Variants in NMUR1 observed in about 807,000 individuals in gnomAD.
NMUR1 encodes neuromedin-U receptor 1.
NMUR1 carries 16 observed loss-of-function variants against 18.8 expected under a neutral mutation model. The ratio of observed to expected loss-of-function variants is 0.85; its 90% CI spans 0.58 to 1.29. The LOEUF (loss-of-function observed/expected upper bound fraction) is 1.29. Among genes scored for constraint, NMUR1 ranks in the 50% most tolerant of loss-of-function variants. The pLI, the probability that NMUR1 is intolerant of heterozygous loss-of-function variation, is 0.00. For synonymous variants in NMUR1, 258 were observed against 258.2 expected, an observed-to-expected ratio of 1.00 and a Z score of 0.01; for missense variants, 529 against 580.3, an observed-to-expected ratio of 0.91 and a Z score of 0.91.
At position 231,523,207 on chromosome 2, in the gene NMUR1, G is replaced by A. The variant is rs2047321505; in HGVS notation, c.*1836C>T. 2.8e-6 allele frequency: 1 copy of A among 357,868 alleles called. No homozygotes were observed. The highest frequency in any genetic ancestry group is 5.1e-6 in the Non-Finnish European group (1 of 197,156). 22.2% of individuals were successfully genotyped at this position (357,868 alleles called of 1,614,324 possible). A position where few individuals can be genotyped will look rare whatever the true frequency, so the allele number is the denominator to read the frequency against. On this transcript the variant is annotated 3_prime_UTR_variant, in exon 3 of 3. Coordinates refer to ENST00000305141, the MANE Select transcript of NMUR1 (RefSeq NM_006056.5). Reference sequence around the variant, plus strand: ...ACTGCTTCAGAGTAAAGTTATGGGTGGTTTTAATTTTTTCTTTCCTTTAGA... The same window carrying A: ...ACTGCTTCAGAGTAAAGTTATGGGTAGTTTTAATTTTTTCTTTCCTTTAGA...
chr2:231,525,060 C>A lies in NMUR1; in HGVS notation c.1264G>T (p.Glu422Ter). 6.3e-7 allele frequency: 1 copy of A among 1,584,044 alleles called. No individual in the cohort carries two copies. Among genetic ancestry groups the A allele is most frequent in the African/African-American group, 1.3e-5 (1 of 74,596 alleles). ...AGNDGPEAQQ[E>*]TDPS is the part of the protein sequence containing the mutation. ...GGCTCCACTCAGGATGGATCGGTCT[C>A]TTGCTGCGCCTCTGGGCCATCGTTC... The change falls in exon 3 of 3, where the codon GAG becomes TAG. Residue 422 changes from glutamate to a stop codon, truncating the protein, a stop_gained. Transcript: ENST00000305141. LOFTEE classifies it high-confidence loss of function.
At chr2:231,521,842 G>A (rs1047625448), downstream of NMUR1, among the ~76,000 whole-genome samples, 2 of 152,056 alleles carry the variant, frequency 1.3e-5, no homozygotes, top group Admixed American at 6.6e-5. Context: ...TGCCATCCCT[G>A]TTTCTCAAGG....
downstream of NMUR1, among the ~76,000 whole-genome samples, chr2:231,521,828 C>A (rs969970005): frequency 6.6e-6 from 1 of 152,106 alleles, no homozygotes; most frequent in Non-Finnish European, 1.5e-5. Context: ...TCTGCCCTTT[C>A]CATTGCCATC....
chr2:231,526,123 G>C (rs1193812402), intron 2 of NMUR1, among the ~76,000 whole-genome samples: 1 of 144,706 alleles, frequency 6.9e-6, no homozygotes. Context: ...AGGTAGGAGA[G>C]TTTGGCAAAC....
chr2:231,529,884 A>G (rs553285813), intron 1 of NMUR1, among the ~76,000 whole-genome samples: 2 of 152,360 alleles, frequency 1.3e-5, no homozygotes, highest in East Asian at 3.9e-4. Context: ...AGTCACTATG[A>G]GAGTCAAGTG....
At chr2:231,528,006 A>C in intron 2 of NMUR1, 117 bp downstream of exon 2, 1 of 1,026,916 alleles carries the variant, frequency 9.7e-7, no homozygotes, top group Non-Finnish European at 1.4e-6. Flanking sequence ...ACACGAGACT[A>C]GAGGAGTTCC....
intron 2 of NMUR1, among the ~76,000 whole-genome samples, chr2:231,527,042 A>G (rs113671663): frequency 9.2e-4 from 140 of 152,088 alleles, no homozygotes; most frequent in African/African-American, 3.0e-3. Context: ...TGCGGTTCCC[A>G]GGGAACCGCA....
At position 231,528,718 on chromosome 2, in the gene NMUR1, G is replaced by A; in HGVS notation, c.303C>T (p.Ser101=). 1 of 1,614,252 alleles carries A rather than the reference G, an allele frequency of 6.2e-7. No individual in the cohort carries two copies. The highest frequency in any genetic ancestry group is 8.5e-7 in the Non-Finnish European group (1 of 1,180,036). ...MRTPTNYYLF[S]LAVSDLLVLL... ...GCACCAGCAGGTCCGACACGGCCAGGCTGAAGAGGTAGTAGTTGGTAGGCG... is the reference window on the plus strand; with the variant it reads ...GCACCAGCAGGTCCGACACGGCCAGACTGAAGAGGTAGTAGTTGGTAGGCG... Residue 101 remains serine (S), a synonymous_variant, in exon 2 of 3, where the codon AGC becomes AGT. Coordinates refer to ENST00000305141, the MANE Select transcript of NMUR1 (RefSeq NM_006056.5).
In NMUR1 at chr2:231,528,850, T is replaced by C. The variant is rs111893957; in HGVS notation, c.171A>G (p.Thr57=). The C allele has an allele frequency of 3.1e-6, 5 of 1,614,200 alleles. No individual in the cohort carries two copies. Among genetic ancestry groups the C allele is most frequent in the Non-Finnish European group, 4.2e-6 (5 of 1,180,028 alleles). The change falls in exon 2 of 3, where the codon ACA becomes ACG. Residue 57 remains threonine, a synonymous_variant. Transcript: ENST00000305141. ...TGGCACAGATGGGCATGAACAGCTC[T>C]GTCTGCTGGGGCCCCAGGTACTTGA... ...LRLKYLGPQQ[T]ELFMPICATY... is the part of the protein sequence containing the mutation.
chr2:231,525,553 G>C, intron 2 of NMUR1, 128 bp from the exon 3 acceptor site: 1 of 1,116,836 alleles, frequency 9.0e-7, no homozygotes, highest in Non-Finnish European at 1.3e-6. Flanking sequence ...CTATCACCCA[G>C]GTGGAAGTTT....
chr2:231,525,173 T>TGGCGGGGTCTGAGGCGATGGC lies in NMUR1; in HGVS notation c.1130_1150dup (p.Arg383_His384insArgHisArgLeuArgProArg). ...CATCCTGCTGAGGCTGTGGGAGCTG[T>TGGCGGGGTCTGAGGCGATGGC]GGCGGGGTCTGAGGCGATGGCAGCA... On this transcript the variant is annotated inframe_insertion, in exon 3 of 3. Coordinates refer to ENST00000305141, the MANE Select transcript of NMUR1 (RefSeq NM_006056.5). 2 of 1,613,964 alleles carry TGGCGGGGTCTGAGGCGATGGC rather than the reference T, an allele frequency of 1.2e-6. No individual in the cohort carries two copies. Among genetic ancestry groups the TGGCGGGGTCTGAGGCGATGGC allele is most frequent in the African/African-American group, 2.7e-5 (2 of 74,992 alleles).
chr2:231,525,820 C>T (rs1366473187), intron 2 of NMUR1, among the ~76,000 whole-genome samples: 2 of 152,234 alleles, frequency 1.3e-5, no homozygotes, highest in East Asian at 3.9e-4. Flanking sequence ...CACTTGGGGG[C>T]CATGCTTGCT....
rs762300187 is a variant in NMUR1 at position 231,528,611 on chromosome 2, C to T, written c.410G>A (p.Arg137His). Residue 137 changes from arginine (R) to histidine (H), a missense_variant, in exon 2 of 3, where the codon CGC becomes CAC. Transcript: ENST00000305141. ...GCAGACCATCTCAAACAGTAGCGTGCGGAAATAGCAGCCACCAACGCCCAG... is the reference window on the plus strand; with the variant it reads ...GCAGACCATCTCAAACAGTAGCGTGTGGAAATAGCAGCCACCAACGCCCAG... Reference protein sequence around the residue: ...FLLGVGGCYFRTLLFEMVCLA... With the variant: ...FLLGVGGCYFHTLLFEMVCLA... 46 of 1,614,076 alleles carry T rather than the reference C, an allele frequency of 2.8e-5. No homozygotes were observed. Among genetic ancestry groups the T allele is most frequent in the Non-Finnish European group, 3.6e-5 (42 of 1,180,050 alleles).
chr2:231,529,680 C>T (rs1180775769), intron 1 of NMUR1, among the ~76,000 whole-genome samples: 1 of 152,168 alleles, frequency 6.6e-6, no homozygotes, highest in Admixed American at 6.5e-5. Context: ...CAAGAGCAAG[C>T]GCTCAGGAAG....
At position 231,528,149 on chromosome 2, in the gene NMUR1, C is replaced by T. The variant is rs1214113010; in HGVS notation, c.872G>A (p.Gly291Asp). The change falls in exon 2 of 3, where the codon GGC (glycine) becomes GAC (aspartate). Residue 291 changes from glycine to aspartate, a missense_variant. By Grantham distance (94) the Gly-to-Asp change is moderately conservative. Transcript: ENST00000305141. The stretch of plus-strand genomic sequence containing the variant: ...CAGCATCTTGGTCACTTGTCTCCGG[C>T]CCCGATCGTGCTGCTGGAGCCTGCA... The part of the protein sequence containing the change: ...YTCRLQQHDR[G>D]RRQVTKMLFV... 4.5e-6 allele frequency: 7 copies of T among 1,559,846 alleles called. No homozygotes were observed. Among genetic ancestry groups the T allele is most frequent in the Non-Finnish European group, 4.3e-6 (5 of 1,151,286 alleles).
chr2:231,521,973 C>CTTTTTTTTT (rs10625236), downstream of NMUR1, among the ~76,000 whole-genome samples: 3 of 83,826 alleles, frequency 3.6e-5, no homozygotes, highest in African/African-American at 9.6e-5. Flanking sequence ...TTTTTTTTCT[C>CTTTTTTTTT]TTTTTTTTTT....
At chr2:231,527,123 T>TC (rs2047363852) in intron 2 of NMUR1, among the ~76,000 whole-genome samples, 1 of 150,854 alleles carries the variant, frequency 6.6e-6, no homozygotes, top group Non-Finnish European at 1.5e-5. Flanking sequence ...GGGACTTTGC[T>TC]CCCCCCAGAT....
Position 231,528,905 on chromosome 2 carries a change from T to A in NMUR1, c.116A>T (p.Asp39Val), listed in dbSNP as rs773354963. 2 of 1,614,124 alleles carry A rather than the reference T, an allele frequency of 1.2e-6. No homozygotes were observed. The highest frequency in any genetic ancestry group is 2.2e-5 in the South Asian group (2 of 91,074). Reference protein sequence around the residue: ...SAARGHFDPEDLNLTDEALRL... With the variant: ...SAARGHFDPEVLNLTDEALRL... ...CAGTGCCTCGTCAGTCAGGTTCAAGTCCTCAGGGTCAAAGTGCCCCCTGGC... is the reference window on the plus strand; with the variant it reads ...CAGTGCCTCGTCAGTCAGGTTCAAGACCTCAGGGTCAAAGTGCCCCCTGGC... The change falls in exon 2 of 3, where the codon GAC becomes GTC. Residue 39 changes from aspartate to valine, a missense_variant. By Grantham distance (152) the Asp-to-Val change is radical (BLOSUM62 -3). Transcript: ENST00000305141.
intron 1 of NMUR1, 24 bp downstream of exon 1, chr2:231,530,335 C>A: frequency 6.7e-7 from 1 of 1,496,316 alleles, no homozygotes; most frequent in South Asian, 1.2e-5. Context: ...GCGCCCTAGC[C>A]CACGCCGGCG....
Sources: gnomAD v4.1 joint callset for allele counts (sites outside exome capture counted in the v4.1 genomes callset) on GRCh38, gnomAD v4.1.1 for gene constraint, MANE v1.5 for transcripts, NCBI Gene and HGNC (gene_info 2026-07-23, HGNC 2026-07-21) for gene names.